PKD1L3: variants seen among roughly 807,000 people sequenced by gnomAD.
PKD1L3 encodes the protein polycystin 1 like 3, transient receptor potential channel interacting, also known as polycystin-1-like protein 3.
PKD1L3 carries 239 observed loss-of-function variants against 184.1 expected under a neutral mutation model. The ratio of observed to expected loss-of-function variants is 1.30; its 90% CI spans 1.17 to 1.45. PKD1L3 has a LOEUF of 1.45. Ranked by LOEUF, PKD1L3 falls within the 40% of genes most tolerant of loss-of-function variation. The probability of loss-of-function intolerance (pLI) is 0.00; values close to 1 mark genes in which losing one functional copy is unlikely to be tolerated. For missense variants in PKD1L3, 2,660 were observed against 2,067.2 expected, an observed-to-expected ratio of 1.29 and a Z score of -5.56; for synonymous variants, 996 against 778.8, an observed-to-expected ratio of 1.28 and a Z score of -4.64.
intron 24 of PKD1L3, among the ~76,000 whole-genome samples, chr16:71,941,600 T>G (rs1397021739): frequency 6.7e-6 from 1 of 148,520 alleles, no homozygotes; most frequent in Non-Finnish European, 1.5e-5. Flanking sequence ...TTTTTTTTTT[T>G]TTGAGATGGA....
At chr16:71,980,388 C>A (rs891809040) in intron 7 of PKD1L3, among the ~76,000 whole-genome samples, 3 of 152,166 alleles carry the variant, frequency 2.0e-5, no homozygotes, top group African/African-American at 4.8e-5. Flanking sequence ...CCTAGACCTG[C>A]TCACGATAGA....
chr16:71,979,365 A>T (rs1212155488), intron 9 of PKD1L3, among the ~76,000 whole-genome samples: 1 of 152,110 alleles, frequency 6.6e-6, no homozygotes, highest in Non-Finnish European at 1.5e-5. Flanking sequence ...AATCGCTTGA[A>T]CCTGGGAGGC....
At chr16:71,989,523 G>C (rs1408035014) in intron 4 of PKD1L3, among the ~76,000 whole-genome samples, 1 of 152,200 alleles carries the variant, frequency 6.6e-6, no homozygotes, top group Non-Finnish European at 1.5e-5. Flanking sequence ...GCATATCTGT[G>C]TTTAGGCATC....
chr16:71,967,785 A>G, intron 14 of PKD1L3, 121 bp downstream of exon 14: 2 of 844,998 alleles, frequency 2.4e-6, no homozygotes, highest in South Asian at 1.7e-5. Flanking sequence ...GTTTAGAACT[A>G]GAAAATACCA....
Position 71,942,811 on chromosome 16 carries a change from T to C in PKD1L3, c.4073A>G (p.His1358Arg), listed in dbSNP as rs2038407775. 1 of 1,551,582 alleles carries C rather than the reference T, an allele frequency of 6.4e-7. No homozygotes were observed. Among genetic ancestry groups the C allele is most frequent in the Non-Finnish European group, 8.7e-7 (1 of 1,146,924 alleles). Residue 1358 changes from histidine (H) to arginine (R), a missense_variant, in exon 24 of 30, where the codon CAT becomes CGT. Coordinates refer to ENST00000620267, the MANE Select transcript of PKD1L3 (RefSeq NM_181536.2). Reference sequence around the variant, plus strand: ...AATTAATTGTACCCCACATTTGCAATGACTGGGCTCCAGGACTGCATTCTT... The same window carrying C: ...AATTAATTGTACCCCACATTTGCAACGACTGGGCTCCAGGACTGCATTCTT... ...RGKNAVLEPS[H>R]CKCGVQLIFQ... is the part of the protein sequence containing the mutation.
At position 72,000,099 on chromosome 16, in the gene PKD1L3, C is replaced by G. The variant is rs1371862064; in HGVS notation, c.-121G>C. The stretch of plus-strand genomic sequence containing the variant: ...CTTTTATGAATTGGGAACAATTTAC[C>G]AAGGATACAAAAGGTTTTGTTTTGA... On this transcript the variant is annotated 5_prime_UTR_variant, in exon 1 of 30. Coordinates refer to ENST00000620267, the MANE Select transcript of PKD1L3 (RefSeq NM_181536.2). 1 of 866,840 alleles carries G rather than the reference C, an allele frequency of 1.2e-6. No individual in the cohort carries two copies. The highest frequency in any genetic ancestry group is 2.9e-5 in the East Asian group (1 of 34,256). The allele number at this position is 866,840 out of a possible 1,614,324, so 53.7% of individuals were successfully genotyped here. A position where few individuals can be genotyped will look rare whatever the true frequency, so the allele number is the denominator to read the frequency against.
chr16:71,979,310 G>T (rs1490643006), intron 9 of PKD1L3, among the ~76,000 whole-genome samples: 2 of 152,068 alleles, frequency 1.3e-5, no homozygotes, highest in East Asian at 3.9e-4. Flanking sequence ...CAGGCATGGT[G>T]GCCCATGCCT....
chr16:71,994,721 G>C (rs1380129005), intron 2 of PKD1L3, among the ~76,000 whole-genome samples: 2 of 152,134 alleles, frequency 1.3e-5, no homozygotes, highest in African/African-American at 4.8e-5. Context: ...TTAACAGGCT[G>C]GGTGTGGTGG....
chr16:71,998,617 A>G (rs1219051452), intron 1 of PKD1L3, among the ~76,000 whole-genome samples: 1 of 151,856 alleles, frequency 6.6e-6, no homozygotes. Flanking sequence ...CGCCCAGCTA[A>G]TTTTTGTATT....
intron 2 of PKD1L3, among the ~76,000 whole-genome samples, chr16:71,995,071 G>T (rs757911354): frequency 1.3e-5 from 2 of 152,146 alleles, no homozygotes; most frequent in African/African-American, 2.4e-5. Flanking sequence ...ACCACAAACA[G>T]GGTAATTTAT....
intron 21 of PKD1L3, 27 bp from the exon 22 acceptor site, chr16:71,947,618 T>C (rs2038668923): frequency 1.4e-6 from 2 of 1,423,144 alleles, no homozygotes; most frequent in Non-Finnish European, 1.9e-6. Flanking sequence ...CAGAACATCG[T>C]GAGCAGACAT....
intron 16 of PKD1L3, among the ~76,000 whole-genome samples, chr16:71,962,209 C>T (rs1255209562): frequency 1.3e-5 from 2 of 151,938 alleles, no homozygotes; most frequent in Non-Finnish European, 2.9e-5. Context: ...CAGGTGTGAG[C>T]CACCATGCCC....
At position 71,942,590 on chromosome 16, in the gene PKD1L3, TCTTG is replaced by T; in HGVS notation, c.4290_4293del (p.Ser1430ArgfsTer10). 2 of 1,551,606 alleles carry T rather than the reference TCTTG, an allele frequency of 1.3e-6. No homozygotes were observed. Among genetic ancestry groups the T allele is most frequent in the East Asian group, 2.4e-5 (1 of 40,910 alleles). On this transcript the variant is annotated frameshift_variant, in exon 24 of 30. Coordinates refer to ENST00000620267, the MANE Select transcript of PKD1L3 (RefSeq NM_181536.2). LOFTEE classifies it high-confidence loss of function. ...ATGATGTAACTGAATCCATTCTCAT[TCTTG>T]CTTGTCAGCCTTTCGTGAAGCTCAT...
At chr16:71,938,307 A>G (rs1467176552) in intron 24 of PKD1L3, among the ~76,000 whole-genome samples, 1 of 152,200 alleles carries the variant, frequency 6.6e-6, no homozygotes, top group African/African-American at 2.4e-5. Context: ...GCCTTCTCCG[A>G]ACTTTGGACA....
intron 16 of PKD1L3, among the ~76,000 whole-genome samples, chr16:71,958,169 C>T (rs1334455360): frequency 1.1e-4 from 16 of 151,312 alleles, no homozygotes; most frequent in Admixed American, 3.9e-4. Context: ...GGGCGGATCA[C>T]GAGGTCAGGA....
At chr16:71,967,388 A>G (rs2143585127) in intron 14 of PKD1L3, 73 bp from the exon 15 acceptor site, 1 of 1,377,584 alleles carries the variant, frequency 7.3e-7, no homozygotes, top group South Asian at 1.4e-5. Context: ...CTAAGGAGAA[A>G]GACGAAGACA....
intron 18 of PKD1L3, 28 bp from the exon 19 acceptor site, chr16:71,951,772 C>A: frequency 6.5e-7 from 1 of 1,531,658 alleles, no homozygotes; most frequent in South Asian, 1.2e-5. Context: ...TGAGAAAAAT[C>A]AGCCTGTTTT....
intron 3 of PKD1L3, 116 bp downstream of exon 3, chr16:71,993,100 C>T (rs1178712807): frequency 1.4e-6 from 1 of 701,632 alleles, no homozygotes; most frequent in African/African-American, 1.9e-5. Flanking sequence ...GAATAGAATG[C>T]AACGAATATT....
At chr16:71,944,208 A>G in intron 22 of PKD1L3, 38 bp from the exon 23 acceptor site, 1 of 1,512,478 alleles carries the variant, frequency 6.6e-7, no homozygotes, top group Non-Finnish European at 9.0e-7. Flanking sequence ...GAAATGTTAT[A>G]TTTCATTAAG....
Sources: gnomAD v4.1 joint callset for allele counts (sites outside exome capture counted in the v4.1 genomes callset) on GRCh38, gnomAD v4.1.1 for gene constraint, MANE v1.5 for transcripts, NCBI Gene and HGNC (gene_info 2026-07-23, HGNC 2026-07-21) for gene names.